PCDHGA11: variants seen among roughly 807,000 people sequenced by gnomAD.
PCDHGA11 encodes protocadherin gamma subfamily A, 11.
Under a neutral mutation model 60.4 loss-of-function variants are expected in PCDHGA11, and 39 were observed. That is an observed-to-expected ratio of 0.65 (90% CI 0.50 to 0.84). The LOEUF (loss-of-function observed/expected upper bound fraction) is 0.84. Ranked by LOEUF, PCDHGA11 falls within the 40% of genes least tolerant of loss-of-function variation. The probability of loss-of-function intolerance (pLI) is 0.00; values close to 1 mark genes in which losing one functional copy is unlikely to be tolerated. For synonymous variants in PCDHGA11, 533 were observed against 510.3 expected (o/e 1.04, Z -0.60); for missense variants, 1,165 against 1,197.7 (o/e 0.97, Z 0.40).
rs1264017483 is a variant in PCDHGA11 at position 141,477,989 on chromosome 5, A to G, written c.2434-16818A>G. The G allele has an allele frequency of 5.6e-6, 9 of 1,614,086 alleles. No individual in the cohort carries two copies. The highest frequency in any genetic ancestry group is 1.6e-4 in the Middle Eastern group (1 of 6,062). On this transcript the variant is annotated intron_variant, in intron 1 of 3. Coordinates refer to ENST00000398587, the MANE Select transcript of PCDHGA11 (RefSeq NM_018914.3). The surrounding 1 kb of genome is among the most constrained non-coding windows in gnomAD (Gnocchi z 4.9). ...GAGCCTTTTTGCCATAGGGCTGCACACTGGTCAAATCAGTACTGCCCGTCC... is the reference window on the plus strand; with the variant it reads ...GAGCCTTTTTGCCATAGGGCTGCACGCTGGTCAAATCAGTACTGCCCGTCC...
chr5:141,507,851 C>T (rs570052933), intron 3 of PCDHGA11, among the ~76,000 whole-genome samples: 48 of 152,322 alleles, frequency 3.2e-4, no homozygotes, highest in African/African-American at 1.1e-3. Context: ...CCTGCTCTCA[C>T]TTTCACACCC....
At chr5:141,474,754 T>C (rs1351752958) in intron 1 of PCDHGA11, among the ~76,000 whole-genome samples, 4 of 152,228 alleles carry the variant, frequency 2.6e-5, no homozygotes, top group Non-Finnish European at 4.4e-5. Flanking sequence ...CCAAGACAAA[T>C]ATACAGAAAT....
In PCDHGA11 at chr5:141,431,468, G is replaced by C. The variant is rs756718016; in HGVS notation, c.2433+7808G>C. 4 of 1,613,804 alleles carry C rather than the reference G, an allele frequency of 2.5e-6. No homozygotes were observed. Among genetic ancestry groups the C allele is most frequent in the Non-Finnish European group, 3.4e-6 (4 of 1,179,964 alleles). On this transcript the variant is annotated intron_variant, in intron 1 of 3. Coordinates refer to ENST00000398587, the MANE Select transcript of PCDHGA11 (RefSeq NM_018914.3). The surrounding 1 kb of genome is among the most constrained non-coding windows in gnomAD (Gnocchi z 4.8). Reference sequence around the variant, plus strand: ...CCGCGTGATGGTTCTGGATGCGAACGACAACGCACCAGCGTTTGCTCAGCC... The same window carrying C: ...CCGCGTGATGGTTCTGGATGCGAACCACAACGCACCAGCGTTTGCTCAGCC...
intron 1 of PCDHGA11, among the ~76,000 whole-genome samples, chr5:141,435,760 T>TTGGTGAATTC (rs2097778609): frequency 1.3e-5 from 2 of 152,172 alleles, no homozygotes; most frequent in African/African-American, 4.8e-5. Context: ...TTGATTTCTT[T>TTGGTGAATTC]TGGTGAATTC....
At chr5:141,430,589 G>A in intron 1 of PCDHGA11, 1 of 529,266 alleles carries the variant, frequency 1.9e-6, no homozygotes, top group Non-Finnish European at 3.1e-6. Context: ...TGCTCGCCTT[G>A]CACGCGCCTG....
Position 141,423,533 on chromosome 5 carries a change from T to C in PCDHGA11, c.2306T>C (p.Leu769Pro), listed in dbSNP as rs2096751691. ...SLIADSQKSH[L>P]IFPQPNYGDT... ...ATTGCGGACTCGCAGAAGAGTCACC[T>C]GATTTTCCCCCAGCCCAACTATGGG... Residue 769 changes from leucine to proline, a missense_variant, in exon 1 of 4, where the codon CTG (leucine) becomes CCG (proline). Transcript: ENST00000398587. The C allele has an allele frequency of 6.2e-7, 1 of 1,613,650 alleles. No individual in the cohort carries two copies. Among genetic ancestry groups the C allele is most frequent in the Non-Finnish European group, 8.5e-7 (1 of 1,179,792 alleles).
rs918375556 is a variant in PCDHGA11, at chr5:141,489,318, G to C, written c.2434-5489G>C. 6.3e-7 allele frequency: 1 copy of C among 1,598,974 alleles called. No individual in the cohort carries two copies. Among genetic ancestry groups the C allele is most frequent in the African/African-American group, 1.3e-5 (1 of 74,510 alleles). On this transcript the variant is annotated intron_variant, in intron 1 of 3. Coordinates refer to ENST00000398587, the MANE Select transcript of PCDHGA11 (RefSeq NM_018914.3). The surrounding 1 kb of genome is among the most constrained non-coding windows in gnomAD (Gnocchi z 4.5). ...TGTTGTCCTTGTGCTGCTGGGGCTG[G>C]GTGTCTGGGCAGCTTCGTTACTCAG...
chr5:141,472,750 C>T (rs967243815), intron 1 of PCDHGA11, among the ~76,000 whole-genome samples: 3 of 151,882 alleles, frequency 2.0e-5, no homozygotes, highest in Non-Finnish European at 2.9e-5. Context: ...CTTTGGGAGG[C>T]GGAGGCTGGC....
rs913767837 is a variant in PCDHGA11, at chr5:141,491,909, C to T, written c.2434-2898C>T. 8.5e-6 allele frequency: 12 copies of T among 1,403,834 alleles called. No individual in the cohort carries two copies. Among genetic ancestry groups the T allele is most frequent in the Non-Finnish European group, 1.1e-5 (12 of 1,057,326 alleles). 87.0% of individuals were successfully genotyped at this position (1,403,834 alleles called of 1,614,324 possible). A position where few individuals can be genotyped will look rare whatever the true frequency, so the allele number is the denominator to read the frequency against. Reference sequence around the variant, plus strand: ...GGGCTCCGAGCACCGGGGGTGGTGGCGACTGTGGGCGAGGGGAGGTGGGAC... The same window carrying T: ...GGGCTCCGAGCACCGGGGGTGGTGGTGACTGTGGGCGAGGGGAGGTGGGAC... On this transcript the variant is annotated intron_variant, in intron 1 of 3. Transcript: ENST00000398587. The surrounding 1 kb of genome is among the most constrained non-coding windows in gnomAD (Gnocchi z 6.9).
Position 141,431,168 on chromosome 5 carries a change from G to A in PCDHGA11, c.2433+7508G>A, listed in dbSNP as rs779778442. On this transcript the variant is annotated intron_variant, in intron 1 of 3. Coordinates refer to ENST00000398587, the MANE Select transcript of PCDHGA11 (RefSeq NM_018914.3). This position sits in a 1 kb window ranked among gnomAD's most constrained non-coding sequence, Gnocchi z 4.8. Reference sequence around the variant, plus strand: ...CAATGCGCCTTACTTTCGTGAAAGTGAATTAGAAATAAAAATTAGTGAAAA... The same window carrying A: ...CAATGCGCCTTACTTTCGTGAAAGTAAATTAGAAATAAAAATTAGTGAAAA... The A allele has an allele frequency of 9.9e-6, 16 of 1,614,206 alleles. No individual in the cohort carries two copies. The Admixed American group carries it at 1.2e-4, about 12-fold the overall frequency.
In PCDHGA11 at chr5:141,491,198, A is replaced by T. The variant is rs1344758185; in HGVS notation, c.2434-3609A>T. ...GTGGTCCTGGTGAGGGACAATGGTG[A>T]CCCTTCACTCTCCTCCACAGCCACA... On this transcript the variant is annotated intron_variant, in intron 1 of 3. Coordinates refer to ENST00000398587, the MANE Select transcript of PCDHGA11 (RefSeq NM_018914.3). This position sits in a 1 kb window ranked among gnomAD's most constrained non-coding sequence, Gnocchi z 6.9. 1.2e-6 allele frequency: 2 copies of T among 1,613,912 alleles called. No individual in the cohort carries two copies. The highest frequency in any genetic ancestry group is 1.3e-5 in the African/African-American group (1 of 74,866).
At chr5:141,428,154 T>G (rs760002801) in intron 1 of PCDHGA11, 29 of 1,578,806 alleles carry the variant, frequency 1.8e-5, no homozygotes, top group African/African-American at 1.3e-5. Flanking sequence ...CACGGGAACC[T>G]GCTGGTTGCT....
chr5:141,472,218 G>A (rs1206861601), intron 1 of PCDHGA11, among the ~76,000 whole-genome samples: 3 of 152,054 alleles, frequency 2.0e-5, no homozygotes, highest in Admixed American at 2.0e-4. Flanking sequence ...CCTTACTCTC[G>A]ATCATATAAT....
chr5:141,434,938 A>G (rs938787407), intron 1 of PCDHGA11, among the ~76,000 whole-genome samples: 2 of 151,738 alleles, frequency 1.3e-5, no homozygotes, highest in Admixed American at 1.3e-4. Flanking sequence ...TATATAATAG[A>G]TATAATTTAT....
intron 2 of PCDHGA11, among the ~76,000 whole-genome samples, chr5:141,503,202 C>G (rs1562210201): frequency 6.6e-6 from 1 of 152,090 alleles, no homozygotes; most frequent in East Asian, 1.9e-4. Context: ...ATCAGCCTCT[C>G]AGTGCCCACC....
Position 141,490,618 on chromosome 5 carries a change from A to C in PCDHGA11, c.2434-4189A>C. The C allele has an allele frequency of 6.2e-7, 1 of 1,614,104 alleles. No homozygotes were observed. Among genetic ancestry groups the C allele is most frequent in the South Asian group, 1.1e-5 (1 of 91,080 alleles). ...ACCCCGCTTCAACCAGCAGCTTTAC[A>C]CTGCTTACATCCTAGAAAACCGGCC... On this transcript the variant is annotated intron_variant, in intron 1 of 3. Coordinates refer to ENST00000398587, the MANE Select transcript of PCDHGA11 (RefSeq NM_018914.3). This position sits in a 1 kb window ranked among gnomAD's most constrained non-coding sequence, Gnocchi z 5.4.
rs768648952 is a variant in PCDHGA11 at position 141,477,230 on chromosome 5, G to C, written c.2434-17577G>C. 6.2e-7 allele frequency: 1 copy of C among 1,614,046 alleles called. No homozygotes were observed. Among genetic ancestry groups the C allele is most frequent in the East Asian group, 2.2e-5 (1 of 44,890 alleles). ...GGATGCCCCTCTGGGGACTGTCATC[G>C]CTTTGCTCAGTGTGACTGACCTGGA... On this transcript the variant is annotated intron_variant, in intron 1 of 3. Transcript: ENST00000398587. The surrounding 1 kb of genome is among the most constrained non-coding windows in gnomAD (Gnocchi z 4.9).
intron 1 of PCDHGA11, among the ~76,000 whole-genome samples, chr5:141,450,816 T>C (rs960010807): frequency 7.9e-6 from 1 of 126,568 alleles, no homozygotes; most frequent in Non-Finnish European, 1.6e-5. Context: ...ATTTATTTAA[T>C]ATTATTATTA....
chr5:141,472,928 G>A (rs926768431), intron 1 of PCDHGA11, among the ~76,000 whole-genome samples: 13 of 150,136 alleles, frequency 8.7e-5, no homozygotes, highest in Admixed American at 2.7e-4. Flanking sequence ...GGAGGTTGTG[G>A]TGAGCCAAGA....
Sources: allele counts gnomAD v4.1 joint callset (sites outside exome capture counted in the v4.1 genomes callset), GRCh38; gene constraint gnomAD v4.1.1; non-coding constraint Gnocchi (gnomAD v3.1); transcripts MANE v1.5; gene names NCBI Gene and HGNC (gene_info 2026-07-23, HGNC 2026-07-21).